ATP2C1: variants seen among roughly 807,000 people sequenced by gnomAD.
ATP2C1 encodes ATPase secretory pathway Ca2+ transporting 1.
A neutral mutation model predicts 120.5 loss-of-function variants in ATP2C1; 31 were observed. The ratio of observed to expected loss-of-function variants is 0.26; its 90% confidence interval spans 0.19 to 0.35. ATP2C1 has a LOEUF of 0.35. Among genes scored for constraint, ATP2C1 ranks in the 10% least tolerant of loss-of-function variants. ATP2C1 has a pLI of 1.00. For missense variants in ATP2C1, 731 were observed against 1,107.5 expected, an observed-to-expected ratio of 0.66 and a Z score of 4.83; for synonymous variants, 351 against 358.7, an observed-to-expected ratio of 0.98 and a Z score of 0.24.
intron 2 of ATP2C1, among the ~76,000 whole-genome samples, chr3:130,929,196 C>A (rs940193452): frequency 1.3e-5 from 2 of 152,140 alleles, no homozygotes; most frequent in East Asian, 3.8e-4. Flanking sequence ...TTGAAAAATA[C>A]TACTGCTCTT....
At chr3:130,877,292 AT>A (rs1289275546) in intron 1 of ATP2C1, among the ~76,000 whole-genome samples, 26 of 152,190 alleles carry the variant, frequency 1.7e-4, no homozygotes. Flanking sequence ...GCCAGTCTTT[AT>A]CTTTCAATTG....
chr3:130,942,070 T>G (rs1036284146), intron 8 of ATP2C1, among the ~76,000 whole-genome samples: 2 of 152,134 alleles, frequency 1.3e-5, no homozygotes, highest in African/African-American at 4.8e-5. Context: ...ATATAGACAT[T>G]TAAAGAAGGG....
chr3:130,894,427 G>C lies in ATP2C1; in HGVS notation c.-181+90G>C, dbSNP rs999282382. 1.6e-6 allele frequency: 2 copies of C among 1,268,946 alleles called. No homozygotes were observed. The highest frequency in any genetic ancestry group is 3.5e-5 in the South Asian group (2 of 57,488). The allele number at this position is 1,268,946 out of a possible 1,614,324, so 78.6% of individuals were successfully genotyped here. ...GTTCGGGTATCCCCTGGATGGGGGG[G>C]CATCTCTAGGGCGCCGCCCCGCTGG... On this transcript the variant is annotated intron_variant, in intron 1 of 27. Coordinates refer to ENST00000510168, the MANE Select transcript of ATP2C1 (RefSeq NM_001378687.1). The surrounding 1 kb of genome is among the most constrained non-coding windows in gnomAD (Gnocchi z 4.5).
intron 9 of ATP2C1, among the ~76,000 whole-genome samples, chr3:130,954,567 C>T (rs2060497514): frequency 6.6e-6 from 1 of 152,114 alleles, no homozygotes; most frequent in South Asian, 2.1e-4. Context: ...CTCACTACAA[C>T]CTTCACCTTC....
chr3:131,013,887 G>T (rs1317167518), intron 26 of ATP2C1: 1 of 541,278 alleles, frequency 1.8e-6, no homozygotes, highest in Non-Finnish European at 3.2e-6. Context: ...CTTAAATCAG[G>T]TTGTATTTAT....
Position 130,894,092 on chromosome 3 carries a change from A to ACGGCCTCGCGGAGC in ATP2C1, c.-420_-407dup. 1.0e-6 allele frequency: 1 copy of ACGGCCTCGCGGAGC among 977,524 alleles called. No homozygotes were observed. The highest frequency in any genetic ancestry group is 1.2e-6 in the Non-Finnish European group (1 of 822,838). 60.6% of individuals were successfully genotyped at this position (977,524 alleles called of 1,614,324 possible). A position where few individuals can be genotyped will look rare whatever the true frequency, so the allele number is the denominator to read the frequency against. Reference sequence around the variant, plus strand: ...GAGTCGGAGGCGGGAGCAGACCAGCACGGCCTCGCGGAGCCGGCCCGGCGG... The same window carrying ACGGCCTCGCGGAGC: ...GAGTCGGAGGCGGGAGCAGACCAGCACGGCCTCGCGGAGCCGGCCTCGCGGAGCCGGCCCGGCGG... On this transcript the variant is annotated 5_prime_UTR_variant, in exon 1 of 28. Transcript: ENST00000510168. This position sits in a 1 kb window ranked among gnomAD's most constrained non-coding sequence, Gnocchi z 4.5.
intron 2 of ATP2C1, among the ~76,000 whole-genome samples, chr3:130,897,277 G>C (rs1226851083): frequency 6.6e-6 from 1 of 152,072 alleles, no homozygotes; most frequent in African/African-American, 2.4e-5. Context: ...AAGAAGCCAG[G>C]GTCCAGTACA....
chr3:130,966,998 T>G, intron 14 of ATP2C1, 147 bp from the exon 15 acceptor site: 1 of 703,968 alleles, frequency 1.4e-6, no homozygotes, highest in South Asian at 1.6e-5. Flanking sequence ...TAAAGACAAA[T>G]TTTAATGCTT....
intron 1 of ATP2C1, among the ~76,000 whole-genome samples, chr3:130,884,930 CTTTTT>C (rs35931105): frequency 8.3e-6 from 1 of 120,860 alleles, no homozygotes; most frequent in African/African-American, 3.1e-5. Flanking sequence ...TCTTTTCTTT[CTTTTT>C]TTTTTTTTTT....
At chr3:130,972,635 A>G (rs1484253554) in intron 17 of ATP2C1, among the ~76,000 whole-genome samples, 1 of 84,490 alleles carries the variant, frequency 1.2e-5, no homozygotes, top group Non-Finnish European at 2.2e-5. Flanking sequence ...CCCCCACCCC[A>G]CAACAGTCCC....
At chr3:130,881,393 C>T (rs997080144) in intron 1 of ATP2C1, among the ~76,000 whole-genome samples, 1 of 150,432 alleles carries the variant, frequency 6.6e-6, no homozygotes, top group Non-Finnish European at 1.5e-5. Flanking sequence ...CTTTGTCTCT[C>T]TCTCATCCAG....
chr3:130,873,047 A>T (rs1016649972), intron 1 of ATP2C1, among the ~76,000 whole-genome samples: 1 of 152,168 alleles, frequency 6.6e-6, no homozygotes, highest in African/African-American at 2.4e-5. Context: ...TACCTTATTA[A>T]TTAATACAAT....
At chr3:130,857,471 C>T (rs1478910973) in intron 1 of ATP2C1, among the ~76,000 whole-genome samples, 1 of 152,174 alleles carries the variant, frequency 6.6e-6, no homozygotes, top group Non-Finnish European at 1.5e-5. Flanking sequence ...AAAAAACTCC[C>T]AAACCGGTTG....
Position 130,980,653 on chromosome 3 carries a change from C to A in ATP2C1, c.1813C>A (p.Gln605Lys), listed in dbSNP as rs1576976899. 6.2e-7 allele frequency: 1 copy of A among 1,613,184 alleles called. No individual in the cohort carries two copies. ...SGEEIDAMDV[Q>K]QLSQIVPKVA... ...AGAAGAAATAGATGCAATGGATGTT[C>A]AGCAGCTTTCACAAATAGTACCAAA... Residue 605 changes from glutamine to lysine, a missense_variant, in exon 20 of 28, where the codon CAG becomes AAG. Around this residue, in one of 3 missense-constraint regions of ATP2C1, gnomAD observed 571 missense variants for 845.9 expected, o/e 0.67. Coordinates refer to ENST00000510168, the MANE Select transcript of ATP2C1 (RefSeq NM_001378687.1).
intron 19 of ATP2C1, among the ~76,000 whole-genome samples, chr3:130,980,090 G>A (rs1576973960): frequency 6.6e-6 from 1 of 152,088 alleles, no homozygotes; most frequent in Admixed American, 6.6e-5. Flanking sequence ...TTTCATTTAT[G>A]TATAACTACA....
chr3:131,014,415 G>A, intron 26 of ATP2C1: 1 of 1,534,950 alleles, frequency 6.5e-7, no homozygotes, highest in Non-Finnish European at 8.7e-7. Flanking sequence ...AAAGTATGTT[G>A]TTAAAGAAGT....
At chr3:130,997,499 T>C (rs995557988) in intron 24 of ATP2C1, 107 bp from the exon 25 acceptor site, 16 of 1,062,060 alleles carry the variant, frequency 1.5e-5, no homozygotes, top group Admixed American at 3.8e-5. Flanking sequence ...TTTGTTTCTA[T>C]AAGAAAGCAT....
intron 1 of ATP2C1, among the ~76,000 whole-genome samples, chr3:130,867,191 T>C (rs1465875644): frequency 6.6e-6 from 1 of 152,178 alleles, no homozygotes; most frequent in East Asian, 1.9e-4. Context: ...TGGGACACAA[T>C]AGTACTGAAA....
At chr3:130,880,126 T>G (rs1038773885) in intron 1 of ATP2C1, among the ~76,000 whole-genome samples, 11 of 152,180 alleles carry the variant, frequency 7.2e-5, no homozygotes, top group African/African-American at 2.7e-4. Context: ...ACTATAATTA[T>G]CATTTGGAAA....
Sources: gnomAD v4.1 joint callset for allele counts (sites outside exome capture counted in the v4.1 genomes callset) on GRCh38, gnomAD v4.1.1 for gene constraint, gnomAD v4.1.1 regional missense constraint, Gnocchi (gnomAD v3.1) non-coding constraint, MANE v1.5 for transcripts, NCBI Gene and HGNC (gene_info 2026-07-23, HGNC 2026-07-21) for gene names.